LHX5: variants seen among roughly 807,000 people sequenced by gnomAD.
LHX5 encodes LIM/homeobox protein Lhx5.
Under a neutral mutation model 30.6 loss-of-function variants are expected in LHX5, and 5 were observed. That is an observed-to-expected ratio of 0.16 (90% CI 0.09 to 0.34). The LOEUF (loss-of-function observed/expected upper bound fraction) is 0.34. LHX5 is among the 10% of genes least tolerant of loss of function. The pLI is 1.00. For synonymous variants in LHX5, 266 were observed against 252.6 expected, an observed-to-expected ratio of 1.05 and a Z score of -0.50; for missense variants, 458 against 570.6, an observed-to-expected ratio of 0.80 and a Z score of 2.01.
chr12:113,463,612 C>A lies in LHX5; in HGVS notation c.842-55G>T. 2 of 1,457,290 alleles carry A rather than the reference C, an allele frequency of 1.4e-6. No homozygotes were observed. Among genetic ancestry groups the A allele is most frequent in the Non-Finnish European group, 9.0e-7 (1 of 1,108,852 alleles). 90.3% of individuals were successfully genotyped at this position (1,457,290 alleles called of 1,614,324 possible). Reference sequence around the variant, plus strand: ...GCGCGGTGAGAGAAGGCGAAGTAGGCGGGGGACCCGGGACCCGGGGAGGGG... The same window carrying A: ...GCGCGGTGAGAGAAGGCGAAGTAGGAGGGGGACCCGGGACCCGGGGAGGGG... On this transcript the variant is annotated intron_variant, in intron 4 of 4. Coordinates refer to ENST00000261731, the MANE Select transcript of LHX5 (RefSeq NM_022363.3). The surrounding 1 kb of genome is among the most constrained non-coding windows in gnomAD (Gnocchi z 6.7).
rs1161002633 is a variant in LHX5, at chr12:113,469,148, C to T, written c.371G>A (p.Ser124Asn). Residue 124 changes from serine to asparagine, a missense_variant, in exon 2 of 5, where the codon AGC (serine) becomes AAC (asparagine). Physicochemically the swap from Ser to Asn is conservative, Grantham distance 46 (BLOSUM62 1). This residue lies in a region of LHX5 where 178 missense variants were observed against 238.5 expected (regional missense o/e 0.75). Coordinates refer to ENST00000261731, the MANE Select transcript of LHX5 (RefSeq NM_022363.3). The stretch of plus-strand genomic sequence containing the variant: ...TGAGTTGAGGCTGCCCTCCTTGAGG[C>T]TGGATGAGCTCAGGTAGTCGTCTTT... ...VCKDDYLSSS[S>N]LKEGSLNSVS... 5.0e-6 allele frequency: 8 copies of T among 1,613,924 alleles called. No individual in the cohort carries two copies. The highest frequency in any genetic ancestry group is 2.2e-5 in the East Asian group (1 of 44,872).
rs1230649652 is a variant in LHX5 at position 113,471,398 on chromosome 12, T to G, written c.101A>C (p.Glu34Ala). The G allele has an allele frequency of 1.2e-6, 2 of 1,613,852 alleles. No individual in the cohort carries two copies. Among genetic ancestry groups the G allele is most frequent in the African/African-American group, 2.7e-5 (2 of 74,934 alleles). The stretch of plus-strand genomic sequence containing the variant: ...CTTCTCCGAGAGGTTGGTTTTGCAC[T>G]CGCAGCACTGAACACATTTGATGTG... ...AWHIKCVQCC[E>A]CKTNLSEKCF... Residue 34 changes from glutamate (E) to alanine (A), a missense_variant, in exon 1 of 5, where the codon GAG becomes GCG. Glu to Ala is a moderately radical substitution (Grantham distance 107). Around this residue, in one of 3 missense-constraint regions of LHX5, gnomAD observed 178 missense variants for 238.5 expected, o/e 0.75. Coordinates refer to ENST00000261731, the MANE Select transcript of LHX5 (RefSeq NM_022363.3).
Position 113,467,185 on chromosome 12 carries a change from G to A in LHX5, c.841+71C>T. 2.9e-6 allele frequency: 4 copies of A among 1,359,774 alleles called. No individual in the cohort carries two copies. Among genetic ancestry groups the A allele is most frequent in the South Asian group, 1.7e-5 (1 of 58,060 alleles). 84.2% of individuals were successfully genotyped at this position (1,359,774 alleles called of 1,614,324 possible). On this transcript the variant is annotated intron_variant, in intron 4 of 4. Coordinates refer to ENST00000261731, the MANE Select transcript of LHX5 (RefSeq NM_022363.3). This position sits in a 1 kb window ranked among gnomAD's most constrained non-coding sequence, Gnocchi z 6.3. The stretch of plus-strand genomic sequence containing the variant: ...TTCTGGAGCGGCGGAAAGCGTGCTG[G>A]CCGGGACCCTTCGCCCTCAGCTCCC...
intron 1 of LHX5, among the ~76,000 whole-genome samples, chr12:113,470,103 T>A (rs1958239141): frequency 6.6e-6 from 1 of 152,010 alleles, no homozygotes; most frequent in Non-Finnish European, 1.5e-5. Flanking sequence ...ATCTCTCAAA[T>A]CCCCGCTTTC....
rs1354272266 is a variant in LHX5 at position 113,464,909 on chromosome 12, G to T, written c.842-1352C>A. Among the ~76,000 whole-genome samples, 1 of 152,120 alleles carries T rather than the reference G, an allele frequency of 6.6e-6. No individual in the cohort carries two copies. Among genetic ancestry groups the T allele is most frequent in the East Asian group, 1.9e-4 (1 of 5,176 alleles). ...TTTTCCAGAACCTTCGGGATATCCT[G>T]CCTTCCCCCACCAGGTGGGGCCCTG... On this transcript the variant is annotated intron_variant, in intron 4 of 4. Coordinates refer to ENST00000261731, the MANE Select transcript of LHX5 (RefSeq NM_022363.3). This position sits in a 1 kb window ranked among gnomAD's most constrained non-coding sequence, Gnocchi z 6.2.
In LHX5 at chr12:113,464,535, G is replaced by A. The variant is rs1368881002; in HGVS notation, c.842-978C>T. 2.0e-5 allele frequency among the ~76,000 whole-genome samples: 3 copies of A among 152,182 alleles called. No homozygotes were observed. Among genetic ancestry groups the A allele is most frequent in the African/African-American group, 7.2e-5 (3 of 41,452 alleles). Reference sequence around the variant, plus strand: ...CGATCCCGGTGAGACCATTTGTACCGGCCTAGCCTAGCCTGAGAAAGAGAA... The same window carrying A: ...CGATCCCGGTGAGACCATTTGTACCAGCCTAGCCTAGCCTGAGAAAGAGAA... On this transcript the variant is annotated intron_variant, in intron 4 of 4. Coordinates refer to ENST00000261731, the MANE Select transcript of LHX5 (RefSeq NM_022363.3). The surrounding 1 kb of genome is among the most constrained non-coding windows in gnomAD (Gnocchi z 6.2).
rs1958198151 is a variant in LHX5 at position 113,464,279 on chromosome 12, A to G, written c.842-722T>C. Among the ~76,000 whole-genome samples, 1 of 152,086 alleles carries G rather than the reference A, an allele frequency of 6.6e-6. No individual in the cohort carries two copies. The highest frequency in any genetic ancestry group is 2.4e-5 in the African/African-American group (1 of 41,424). ...GTCCCAGGAACCTCCAGAGAAGCGG[A>G]GGCTGACAGGCCCGGGGAGAGGAAC... On this transcript the variant is annotated intron_variant, in intron 4 of 4. Coordinates refer to ENST00000261731, the MANE Select transcript of LHX5 (RefSeq NM_022363.3). The surrounding 1 kb of genome is among the most constrained non-coding windows in gnomAD (Gnocchi z 6.2).
In LHX5 at chr12:113,463,000, G is replaced by A. The variant is rs536685694; in HGVS notation, c.*190C>T. On this transcript the variant is annotated 3_prime_UTR_variant, in exon 5 of 5. Coordinates refer to ENST00000261731, the MANE Select transcript of LHX5 (RefSeq NM_022363.3). ...GCTGAGGCTCCTGGAGAGCCCGCGG[G>A]GTGGAGATGGGGGTCGGCCCCCCCT... 3,776 of 547,146 alleles carry A rather than the reference G, an allele frequency of 6.9e-3. 25 individuals carry two copies. The highest frequency in any genetic ancestry group is 9.2e-3 in the Non-Finnish European group (2,916 of 318,536). The allele number at this position is 547,146 out of a possible 1,614,324, so 33.9% of individuals were successfully genotyped here.
Position 113,471,832 on chromosome 12 carries a change from T to G in LHX5, c.-334A>C. Reference sequence around the variant, plus strand: ...CCCCGGTGGCGGAGGCGCCGGCACTTTCCCCCACTTTCAAGCGGTCCGGAT... The same window carrying G: ...CCCCGGTGGCGGAGGCGCCGGCACTGTCCCCCACTTTCAAGCGGTCCGGAT... On this transcript the variant is annotated 5_prime_UTR_variant, in exon 1 of 5. Transcript: ENST00000261731. 3.2e-6 allele frequency: 1 copy of G among 317,284 alleles called. No homozygotes were observed. 19.7% of individuals were successfully genotyped at this position (317,284 alleles called of 1,614,324 possible). A position where few individuals can be genotyped will look rare whatever the true frequency, so the allele number is the denominator to read the frequency against.
Position 113,467,354 on chromosome 12 carries a change from C to T in LHX5, c.743G>A (p.Arg248Lys). Residue 248 changes from arginine to lysine, a missense_variant, in exon 4 of 5, where the codon AGG (arginine) becomes AAG (lysine). Physicochemically the swap from Arg to Lys is conservative, Grantham distance 26. This residue lies in a region of LHX5 where 255 missense variants were observed against 246.8 expected (regional missense o/e 1.03). Coordinates refer to ENST00000261731, the MANE Select transcript of LHX5 (RefSeq NM_022363.3). The surrounding 1 kb of genome is among the most constrained non-coding windows in gnomAD (Gnocchi z 6.3). ...CCGCGGACTCCGGAAGAAGGCGTGC[C>T]TCCGGGCGCCTAGGGCGCTCAGCTG... ...MKQLSALGAR[R>K]HAFFRSPRRM... 6.3e-7 allele frequency: 1 copy of T among 1,589,500 alleles called. No homozygotes were observed. The highest frequency in any genetic ancestry group is 8.6e-7 in the Non-Finnish European group (1 of 1,165,402).
rs1958224863 is a variant in LHX5, at chr12:113,467,912, C to T, written c.675+215G>A. Among the ~76,000 whole-genome samples, 1 of 152,256 alleles carries T rather than the reference C, an allele frequency of 6.6e-6. No homozygotes were observed. The highest frequency in any genetic ancestry group is 1.5e-5 in the Non-Finnish European group (1 of 68,046). ...AATTCAGAGAGGTAAAGTGACCCGC[C>T]CCCAAATCGCAATACCAGGAGGACA... On this transcript the variant is annotated intron_variant, in intron 3 of 4. Coordinates refer to ENST00000261731, the MANE Select transcript of LHX5 (RefSeq NM_022363.3). This position sits in a 1 kb window ranked among gnomAD's most constrained non-coding sequence, Gnocchi z 6.3.
In LHX5 at chr12:113,471,356, C is replaced by T. The variant is rs774354303; in HGVS notation, c.143G>A (p.Gly48Asp). Residue 48 changes from glycine to aspartate, a missense_variant, in exon 1 of 5, where the codon GGC becomes GAC. Coordinates refer to ENST00000261731, the MANE Select transcript of LHX5 (RefSeq NM_022363.3). The part of the protein sequence containing the change: ...NLSEKCFSRE[G>D]KLYCKNDFFR... Reference sequence around the variant, plus strand: ...AAAGTCATTTTTGCAGTAGAGCTTGCCCTCGCGCGAGAAGCACTTCTCCGA... The same window carrying T: ...AAAGTCATTTTTGCAGTAGAGCTTGTCCTCGCGCGAGAAGCACTTCTCCGA... The T allele has an allele frequency of 6.8e-6, 11 of 1,613,854 alleles. No individual in the cohort carries two copies. The African/African-American group carries it at 1.1e-4, about 16-fold the overall frequency.
In LHX5 at chr12:113,462,244, C is replaced by A. The variant is rs1958177851; in HGVS notation, c.*946G>T. 2.6e-5 allele frequency: 4 copies of A among 152,136 alleles called. 1 individual carries two copies. The South Asian group carries it at 8.3e-4, about 32-fold the overall frequency. 9.4% of individuals were successfully genotyped at this position (152,136 alleles called of 1,614,324 possible). ...ACACAAAAACATACTTTATTTGTTT[C>A]TTCTTTATACAAAATAAGGAAACTA... On this transcript the variant is annotated 3_prime_UTR_variant, in exon 5 of 5. Transcript: ENST00000261731.
chr12:113,463,397 G>T lies in LHX5; in HGVS notation c.1002C>A (p.His334Gln), dbSNP rs778592976. Reference protein sequence around the residue: ...GALEPPLAGPHAADNPRFTDM... With the variant: ...GALEPPLAGPQAADNPRFTDM... ...CGGTGAACCTGGGGTTGTCCGCGGC[G>T]TGCGGGCCGGCGAGCGGCGGTTCCA... Residue 334 changes from histidine to glutamine, a missense_variant, in exon 5 of 5, where the codon CAC becomes CAA. Physicochemically the swap from His to Gln is conservative, Grantham distance 24 (BLOSUM62 0). This residue lies in a region of LHX5 where 255 missense variants were observed against 246.8 expected (regional missense o/e 1.03). Transcript: ENST00000261731. This position sits in a 1 kb window ranked among gnomAD's most constrained non-coding sequence, Gnocchi z 6.7. The T allele has an allele frequency of 6.4e-7, 1 of 1,555,164 alleles. No homozygotes were observed. Among genetic ancestry groups the T allele is most frequent in the South Asian group, 1.2e-5 (1 of 84,702 alleles).
intron 1 of LHX5, among the ~76,000 whole-genome samples, chr12:113,470,835 C>T (rs1380200549): frequency 6.6e-6 from 1 of 152,232 alleles, no homozygotes; most frequent in African/African-American, 2.4e-5. Context: ...AGGTTCTCTC[C>T]TCCCATCACC....
intron 2 of LHX5, 38 bp downstream of exon 2, chr12:113,469,084 C>T (rs1958231095): frequency 1.3e-6 from 2 of 1,508,608 alleles, no homozygotes; most frequent in Non-Finnish European, 1.8e-6. Flanking sequence ...TGGGAGGGTG[C>T]TAAGGCCTAA....
At position 113,466,289 on chromosome 12, in the gene LHX5, C is replaced by G. The variant is rs138588900; in HGVS notation, c.841+967G>C. Among the ~76,000 whole-genome samples the G allele has an allele frequency of 1.5e-3, 223 of 152,248 alleles. 1 individual carries two copies. In the Middle Eastern group the frequency reaches 0.017, roughly 12 times the overall value. ...CTTGAGCCCTCAGCCCTGGGAAGAACAGGACAGTGAGCTTGGTGAGCTCAA... is the reference window on the plus strand; with the variant it reads ...CTTGAGCCCTCAGCCCTGGGAAGAAGAGGACAGTGAGCTTGGTGAGCTCAA... On this transcript the variant is annotated intron_variant, in intron 4 of 4. Coordinates refer to ENST00000261731, the MANE Select transcript of LHX5 (RefSeq NM_022363.3). The surrounding 1 kb of genome is among the most constrained non-coding windows in gnomAD (Gnocchi z 6.5).
In LHX5 at chr12:113,462,068, C is replaced by G. The variant is rs375432542; in HGVS notation, c.*1122G>C. 1.3e-5 allele frequency: 2 copies of G among 151,582 alleles called. No individual in the cohort carries two copies. The highest frequency in any genetic ancestry group is 6.6e-5 in the Admixed American group (1 of 15,228). 9.4% of individuals were successfully genotyped at this position (151,582 alleles called of 1,614,324 possible). A position where few individuals can be genotyped will look rare whatever the true frequency, so the allele number is the denominator to read the frequency against. On this transcript the variant is annotated 3_prime_UTR_variant, in exon 5 of 5. Transcript: ENST00000261731. ...AAGATTTTTTTTTATTAATCTTTCTCTTTAAAAAAAGTTGATTTTTTTTGT... is the reference window on the plus strand; with the variant it reads ...AAGATTTTTTTTTATTAATCTTTCTGTTTAAAAAAAGTTGATTTTTTTTGT...
Position 113,468,304 on chromosome 12 carries a change from C to T in LHX5, c.498G>A (p.Thr166=). The change falls in exon 3 of 5, where the codon ACG becomes ACA. Residue 166 remains threonine (T), a synonymous_variant. Transcript: ENST00000261731. ...TDNSTSSDKE[T]ANNENEEQNS... ...TCTGCTCCTCGTTCTCGTTGTTGGC[C>T]GTCTCCTTGTCCGACGAGGTCGAGT... 6.2e-7 allele frequency: 1 copy of T among 1,614,144 alleles called. No individual in the cohort carries two copies. The highest frequency in any genetic ancestry group is 8.5e-7 in the Non-Finnish European group (1 of 1,179,978).
Sources: gnomAD v4.1 joint callset for allele counts (sites outside exome capture counted in the v4.1 genomes callset) on GRCh38, gnomAD v4.1.1 for gene constraint, gnomAD v4.1.1 regional missense constraint, Gnocchi (gnomAD v3.1) non-coding constraint, MANE v1.5 for transcripts, NCBI Gene and HGNC (gene_info 2026-07-23, HGNC 2026-07-21) for gene names.